Variants in ZNRF3 observed in about 807,000 individuals in gnomAD.
ZNRF3 encodes zinc and ring finger 3.
ZNRF3 carries 23 observed loss-of-function variants against 72.5 expected under a neutral mutation model. That is an observed-to-expected ratio of 0.32 (90% CI 0.23 to 0.45). The LOEUF (loss-of-function observed/expected upper bound fraction) is 0.45, where lower values mean the gene tolerates loss of function less well. Ranked by LOEUF, ZNRF3 falls within the 20% of genes least tolerant of loss-of-function variation. The pLI is 1.00. For missense variants in ZNRF3, 1,169 were observed against 1,272.1 expected (o/e 0.92, Z 1.23); for synonymous variants, 610 against 545.3 (o/e 1.12, Z -1.65).
intron 2 of ZNRF3, among the ~76,000 whole-genome samples, chr22:29,019,913 C>G (rs1475752544): frequency 6.6e-6 from 1 of 152,056 alleles, no homozygotes; most frequent in African/African-American, 2.4e-5. Context: ...GCAGCATTAG[C>G]AAGTATGCAC....
chr22:29,042,056 C>T (rs867414319), intron 2 of ZNRF3, among the ~76,000 whole-genome samples: 1 of 152,002 alleles, frequency 6.6e-6, no homozygotes, highest in South Asian at 2.1e-4. Context: ...ATGTATTTTC[C>T]CCTATTATAA....
intron 2 of ZNRF3, among the ~76,000 whole-genome samples, chr22:29,004,873 G>C (rs1002885482): frequency 1.3e-5 from 2 of 152,212 alleles, no homozygotes; most frequent in Admixed American, 1.3e-4. Flanking sequence ...CCGAAGGGCA[G>C]GGACAGAGCA....
chr22:28,984,714 C>G (rs2035823284), intron 1 of ZNRF3, among the ~76,000 whole-genome samples: 1 of 152,212 alleles, frequency 6.6e-6, no homozygotes, highest in African/African-American at 2.4e-5. Flanking sequence ...GAGCTGTTGA[C>G]ATAATTGGCT....
At chr22:28,899,495 T>C (rs2034064844) in intron 1 of ZNRF3, among the ~76,000 whole-genome samples, 1 of 152,132 alleles carries the variant, frequency 6.6e-6, no homozygotes, top group Non-Finnish European at 1.5e-5. Flanking sequence ...GACTGGGGCA[T>C]TGGTTGCCAT....
intron 1 of ZNRF3, among the ~76,000 whole-genome samples, chr22:28,915,601 T>G (rs1202424110): frequency 6.6e-6 from 1 of 152,232 alleles, no homozygotes; most frequent in African/African-American, 2.4e-5. Flanking sequence ...GAGATGGTTT[T>G]GAAGTCCCTC....
chr22:29,050,323 C>G lies in ZNRF3; in HGVS notation c.2142C>G (p.Cys714Trp). ...AGTTGCCGTCGTGTGCCTGCTGCTG[C>G]GAGCCCCAGCCCTCCCCAGCCGGGC... Reference protein sequence around the residue: ...GHELPSCACCCEPQPSPAGPS... With the variant: ...GHELPSCACCWEPQPSPAGPS... Residue 714 changes from cysteine to tryptophan, a missense_variant, in exon 8 of 9, where the codon TGC (cysteine) becomes TGG (tryptophan). By Grantham distance (215) the Cys-to-Trp change is radical. Coordinates refer to ENST00000544604, the MANE Select transcript of ZNRF3 (RefSeq NM_001206998.2). The G allele has an allele frequency of 6.3e-7, 1 of 1,599,880 alleles. No homozygotes were observed. Among genetic ancestry groups the G allele is most frequent in the Non-Finnish European group, 8.5e-7 (1 of 1,177,414 alleles).
chr22:28,917,349 A>C lies in ZNRF3; in HGVS notation c.300+33283A>C, dbSNP rs1384041170. 11 of 897,846 alleles carry C rather than the reference A, an allele frequency of 1.2e-5. No individual in the cohort carries two copies. The South Asian group carries it at 2.6e-4, about 21-fold the overall frequency. 55.6% of individuals were successfully genotyped at this position (897,846 alleles called of 1,614,324 possible). A position where few individuals can be genotyped will look rare whatever the true frequency, so the allele number is the denominator to read the frequency against. Reference sequence around the variant, plus strand: ...CTTGAGAGAAGCCCATTCTGATCTAACTGCCAACTCCTCAGGAGGCTGTGT... The same window carrying C: ...CTTGAGAGAAGCCCATTCTGATCTACCTGCCAACTCCTCAGGAGGCTGTGT... On this transcript the variant is annotated intron_variant, in intron 1 of 8. Transcript: ENST00000544604.
At chr22:28,968,627 T>G (rs1187896935) in intron 1 of ZNRF3, among the ~76,000 whole-genome samples, 1 of 152,238 alleles carries the variant, frequency 6.6e-6, no homozygotes, top group Non-Finnish European at 1.5e-5. Flanking sequence ...GAGAATGGCT[T>G]GAACCCGGGA....
At chr22:28,912,911 C>T (rs2123762114) in intron 1 of ZNRF3, among the ~76,000 whole-genome samples, 1 of 152,216 alleles carries the variant, frequency 6.6e-6, no homozygotes, top group Admixed American at 6.5e-5. Context: ...GGTGATCCAC[C>T]CATCTCGGCC....
chr22:29,039,915 C>T (rs2036930110), intron 2 of ZNRF3, among the ~76,000 whole-genome samples: 1 of 151,980 alleles, frequency 6.6e-6, no homozygotes, highest in Non-Finnish European at 1.5e-5. Flanking sequence ...GCTATGATTG[C>T]ACCACTCCAG....
intron 1 of ZNRF3, among the ~76,000 whole-genome samples, chr22:28,914,471 A>G (rs1601552092): frequency 7.3e-6 from 1 of 136,474 alleles, no homozygotes; most frequent in East Asian, 2.3e-4. Context: ...TATGTGTCAT[A>G]TTTCATAGAC....
chr22:29,043,720 C>G (rs1173598636), intron 4 of ZNRF3, among the ~76,000 whole-genome samples: 4 of 152,162 alleles, frequency 2.6e-5, no homozygotes, highest in Non-Finnish European at 5.9e-5. Flanking sequence ...CTTTTCCATC[C>G]CATCTCCCTC....
At chr22:28,986,289 T>C (rs1370989073) in intron 1 of ZNRF3, among the ~76,000 whole-genome samples, 4 of 152,222 alleles carry the variant, frequency 2.6e-5, no homozygotes, top group Non-Finnish European at 4.4e-5. Flanking sequence ...ATTTAAGAGC[T>C]TAGCACACAC....
intron 2 of ZNRF3, among the ~76,000 whole-genome samples, chr22:29,009,057 C>T (rs187210965): frequency 9.2e-4 from 140 of 152,172 alleles, no homozygotes; most frequent in Non-Finnish European, 1.7e-3. Context: ...CACAGCACTC[C>T]GGCCTCCCTC....
At chr22:29,051,472 C>T (rs540064170) in intron 8 of ZNRF3, among the ~76,000 whole-genome samples, 11 of 152,138 alleles carry the variant, frequency 7.2e-5, no homozygotes, top group Non-Finnish European at 1.5e-5. Flanking sequence ...GGGGTGGTGG[C>T]GGGTGCCTGT....
intron 1 of ZNRF3, among the ~76,000 whole-genome samples, chr22:28,929,493 G>C (rs977327096): frequency 6.6e-6 from 1 of 152,160 alleles, no homozygotes; most frequent in African/African-American, 2.4e-5. Context: ...CCTGGTTAGG[G>C]GCAGGGAGGG....
At chr22:29,017,220 T>G (rs989774493) in intron 2 of ZNRF3, among the ~76,000 whole-genome samples, 15 of 152,234 alleles carry the variant, frequency 9.9e-5, no homozygotes, top group African/African-American at 3.1e-4. Flanking sequence ...CATTTCTACC[T>G]TCTCTTGAAA....
chr22:28,895,181 C>T (rs1049782279), intron 1 of ZNRF3, among the ~76,000 whole-genome samples: 1 of 152,172 alleles, frequency 6.6e-6, no homozygotes, highest in African/African-American at 2.4e-5. Flanking sequence ...CAGTGGACCC[C>T]ATGAGTCTCA....
intron 5 of ZNRF3, among the ~76,000 whole-genome samples, chr22:29,045,425 C>T (rs1456460804): frequency 1.3e-5 from 2 of 150,564 alleles, no homozygotes; most frequent in Non-Finnish European, 3.0e-5. Context: ...TCTAAAAGGG[C>T]TAGTCCTACA....
Sources: allele counts gnomAD v4.1 joint callset (sites outside exome capture counted in the v4.1 genomes callset), GRCh38; gene constraint gnomAD v4.1.1; transcripts MANE v1.5; gene names NCBI Gene and HGNC (gene_info 2026-07-23, HGNC 2026-07-21).